The following ANKRD36C variants were observed in gnomAD, a reference collection of about 807,000 sequenced individuals.
ANKRD36C encodes ankyrin repeat domain-containing protein 36C.
In ANKRD36C, 61 loss-of-function variants were observed where a neutral mutation model predicts 276.4. That is an observed-to-expected ratio of 0.22 (90% CI 0.18 to 0.27). ANKRD36C has a LOEUF of 0.27. Ranked by LOEUF, ANKRD36C falls within the 10% of genes least tolerant of loss-of-function variation. The pLI is 1.00. For synonymous variants in ANKRD36C, 483 were observed against 680.1 expected (o/e 0.71, Z 4.51); for missense variants, 1,447 against 2,032.3 (o/e 0.71, Z 5.54).
rs983137081 is a variant in ANKRD36C, at chr2:95,894,071, C to G, written c.2756-2211G>C. On this transcript the variant is annotated intron_variant, in intron 44 of 66. Coordinates refer to ENST00000456556, the Ensembl canonical transcript of ANKRD36C. Reference sequence around the variant, plus strand: ...ACACACCTGAGAATCAATGTCAAAGCAGGTGCTACATGATCCCACATTTCT... The same window carrying G: ...ACACACCTGAGAATCAATGTCAAAGGAGGTGCTACATGATCCCACATTTCT... 3.2e-5 allele frequency: 11 copies of G among 346,694 alleles called. No individual in the cohort carries two copies. In the Admixed American group the frequency reaches 4.0e-4, roughly 13 times the overall value. 21.5% of individuals were successfully genotyped at this position (346,694 alleles called of 1,614,324 possible). A position where few individuals can be genotyped will look rare whatever the true frequency, so the allele number is the denominator to read the frequency against.
intron 42 of ANKRD36C, among the ~76,000 whole-genome samples, chr2:95,911,558 C>G (rs1314660099): frequency 1.3e-5 from 2 of 151,458 alleles, no homozygotes; most frequent in South Asian, 4.1e-4. Context: ...ATCAACAAAA[C>G]ATGTATCTCT....
In ANKRD36C at chr2:95,915,227, C is replaced by T. The variant is rs1246528485; in HGVS notation, c.2449+753G>A. On this transcript the variant is annotated intron_variant, in intron 38 of 66. Coordinates refer to ENST00000456556, the Ensembl canonical transcript of ANKRD36C. ...AGCTATTTTATCCAAGAGGTAGCTCCTTGAACAAGTAAGCCAACCTATTCA... is the reference window on the plus strand; with the variant it reads ...AGCTATTTTATCCAAGAGGTAGCTCTTTGAACAAGTAAGCCAACCTATTCA... 2.0e-5 allele frequency among the ~76,000 whole-genome samples: 3 copies of T among 151,612 alleles called. No individual in the cohort carries two copies. The East Asian group carries it at 5.9e-4, about 30-fold the overall frequency.
chr2:95,849,571 C>G (rs1170815428), downstream of ANKRD36C, among the ~76,000 whole-genome samples: 1 of 152,086 alleles, frequency 6.6e-6, no homozygotes, highest in Non-Finnish European at 1.5e-5. Context: ...GCACTTTATT[C>G]CTATTATTAC....
chr2:95,916,484 G>A (rs1677100692), intron 36 of ANKRD36C, among the ~76,000 whole-genome samples: 1 of 151,636 alleles, frequency 6.6e-6, no homozygotes, highest in Non-Finnish European at 1.5e-5. Context: ...AAAATCAGAG[G>A]AGCAACTCAT....
intron 40 of ANKRD36C, among the ~76,000 whole-genome samples, chr2:95,913,655 C>A (rs967104569): frequency 2.0e-5 from 3 of 151,428 alleles, no homozygotes; most frequent in Non-Finnish European, 4.4e-5. Context: ...GCCTCACAAT[C>A]CGTCTTCCTT....
intron 44 of ANKRD36C, 53 bp from the exon 63 acceptor site, chr2:95,893,777 T>A: frequency 6.2e-7 from 1 of 1,602,098 alleles, no homozygotes; most frequent in Non-Finnish European, 8.5e-7. Flanking sequence ...GACAAAGATA[T>A]CCATAGATTC....
At chr2:95,915,590 C>G (rs62153700) in intron 38 of ANKRD36C, among the ~76,000 whole-genome samples, 15 of 151,256 alleles carry the variant, frequency 9.9e-5, no homozygotes, top group South Asian at 2.1e-4. Flanking sequence ...CAGTGTCTAC[C>G]GGTTATTATG....
intron 6 of ANKRD36C, among the ~76,000 whole-genome samples, chr2:95,976,956 GAGGGAA>G (rs1033343541): frequency 6.6e-6 from 1 of 151,906 alleles, no homozygotes; most frequent in African/African-American, 2.4e-5. Flanking sequence ...TGGGGGTGTG[GAGGGAA>G]AGTTCACATT....
At chr2:95,851,040 G>A (rs1355104720), downstream of ANKRD36C, 4 of 671,542 alleles carry the variant, frequency 6.0e-6, no homozygotes, top group Non-Finnish European at 1.1e-5. Flanking sequence ...CACTAGATGT[G>A]TGTAAGAAAA....
chr2:95,856,129 G>T (rs755320908), exon 63 of ANKRD36C: 2 of 1,607,594 alleles, frequency 1.2e-6, no homozygotes, highest in Admixed American at 1.7e-5. Context: ...ATTTCATCTT[G>T]CATCAAGCGG....
At chr2:95,942,234 AAC>A (rs1677913273) in intron 19 of ANKRD36C, among the ~76,000 whole-genome samples, 1 of 152,306 alleles carries the variant, frequency 6.6e-6, no homozygotes, top group South Asian at 2.1e-4. Flanking sequence ...CGATAATTTA[AAC>A]CTATGAAGAA....
chr2:95,921,501 C>A (rs1677266705), intron 34 of ANKRD36C, 106 bp downstream of exon 34: 7 of 1,443,286 alleles, frequency 4.9e-6, no homozygotes, highest in Non-Finnish European at 6.5e-6. Context: ...TCAGAATGTG[C>A]AGCTTCGGCG....
chr2:95,936,581 C>T (rs1216233001), intron 22 of ANKRD36C, among the ~76,000 whole-genome samples: 4 of 152,208 alleles, frequency 2.6e-5, no homozygotes, highest in African/African-American at 7.2e-5. Flanking sequence ...ATATTCTGTT[C>T]GAGTGCGAAT....
In ANKRD36C at chr2:95,879,417, C is replaced by CTTG. The variant is rs879544947; in HGVS notation, c.3469+1007_3469+1009dup. ...AAAACATGACTACAGTCAGCAATAA[C>CTTG]TTGTCCATTTTAGCATTACTGAGGA... On this transcript the variant is annotated intron_variant, in intron 58 of 66. Coordinates refer to ENST00000456556, the Ensembl canonical transcript of ANKRD36C. 5.3e-3 allele frequency among the ~76,000 whole-genome samples: 803 copies of CTTG among 150,940 alleles called. 8 individuals carry two copies. Among genetic ancestry groups the CTTG allele is most frequent in the Non-Finnish European group, 7.6e-3 (514 of 67,566 alleles).
At chr2:95,980,743 T>C in exon 5 of ANKRD36C, 2 of 1,607,546 alleles carry the variant, frequency 1.2e-6, no homozygotes, top group Non-Finnish European at 1.7e-6. Context: ...GAAGAATGAC[T>C]ATATCTTTTT....
At chr2:95,946,500 C>T (rs1376273911) in intron 17 of ANKRD36C, among the ~76,000 whole-genome samples, 37 of 138,960 alleles carry the variant, frequency 2.7e-4, no homozygotes, top group African/African-American at 6.3e-4. Flanking sequence ...GTCAGTGTGG[C>T]GATTCCTCAG....
chr2:95,857,446 A>G lies in ANKRD36C; in HGVS notation c.3943T>C (p.Leu1315=), dbSNP rs35461149. 1.9e-5 allele frequency: 30 copies of G among 1,540,156 alleles called. No individual in the cohort carries two copies. The East Asian group carries it at 2.9e-4, about 15-fold the overall frequency. Residue 1315 remains leucine, a synonymous_variant, in exon 62 of 67, where the codon TTG becomes CTG. Coordinates refer to ENST00000456556, the Ensembl canonical transcript of ANKRD36C. ...AACTTTTCCCTAACTTTTTGGTGCA[A>G]CTCTTCAACATTTCTTCTTTTCTTT...
chr2:95,895,858 G>A (rs900492222), intron 44 of ANKRD36C, among the ~76,000 whole-genome samples: 1 of 151,040 alleles, frequency 6.6e-6, no homozygotes, highest in Non-Finnish European at 1.5e-5. Context: ...CAATATCAAT[G>A]TGGATATGAT....
intron 44 of ANKRD36C, among the ~76,000 whole-genome samples, chr2:95,892,889 TG>T (rs1676416323): frequency 6.6e-6 from 1 of 151,252 alleles, no homozygotes; most frequent in South Asian, 2.1e-4. Context: ...AGAGGAGTAA[TG>T]AGTCAGTGTG....
Sources: gnomAD v4.1 joint callset for allele counts (sites outside exome capture counted in the v4.1 genomes callset) on GRCh38, gnomAD v4.1.1 for gene constraint, MANE v1.5 for transcripts, NCBI Gene and HGNC (gene_info 2026-07-23, HGNC 2026-07-21) for gene names.